GRIK1: variants seen among roughly 807,000 people sequenced by gnomAD.
GRIK1 encodes glutamate ionotropic receptor kainate type subunit 1.
Under a neutral mutation model 105.7 loss-of-function variants are expected in GRIK1, and 69 were observed. The ratio of observed to expected loss-of-function variants is 0.65; its 90% CI spans 0.54 to 0.80. GRIK1 has a LOEUF of 0.80. GRIK1 is among the 30% of genes least tolerant of loss of function. GRIK1 has a pLI of 0.00. For missense variants in GRIK1, 1,109 were observed against 1,167.3 expected (o/e 0.95, Z 0.73); for synonymous variants, 438 against 431.3 (o/e 1.02, Z -0.19).
At chr21:29,558,063 C>A (rs148101583) in intron 15 of GRIK1, among the ~76,000 whole-genome samples, 1 of 152,082 alleles carries the variant, frequency 6.6e-6, no homozygotes, top group Non-Finnish European at 1.5e-5. Context: ...CTGTTCAAAC[C>A]TTAAATGCTC....
chr21:29,560,265 C>T (rs2090358065), intron 15 of GRIK1, among the ~76,000 whole-genome samples: 1 of 150,136 alleles, frequency 6.7e-6, no homozygotes, highest in African/African-American at 2.5e-5. Flanking sequence ...ATACCAGGAC[C>T]TTATATGATA....
At chr21:29,642,401 A>C (rs2062529700) in intron 7 of GRIK1, among the ~76,000 whole-genome samples, 1 of 152,234 alleles carries the variant, frequency 6.6e-6, no homozygotes, top group Admixed American at 6.5e-5. Flanking sequence ...CCTTCCACTC[A>C]GTCCTGTACA....
rs375177698 is a variant in GRIK1 at position 29,838,084 on chromosome 21, G to A, written c.118+101299C>T. ...AATGATTTCAATAAAGGAGAAAAGA[G>A]GAAACTTCTTAAATTAATAAGCAGG... On this transcript the variant is annotated intron_variant, in intron 1 of 17. Coordinates refer to ENST00000327783, the MANE Select transcript of GRIK1 (RefSeq NM_001330994.2). Among the ~76,000 whole-genome samples the A allele has an allele frequency of 1.7e-4, 26 of 152,216 alleles. No individual in the cohort carries two copies. In the East Asian group the frequency reaches 5.0e-3, roughly 29 times the overall value.
At chr21:29,706,854 C>G (rs2063918249) in intron 1 of GRIK1, among the ~76,000 whole-genome samples, 1 of 152,176 alleles carries the variant, frequency 6.6e-6, no homozygotes, top group Non-Finnish European at 1.5e-5. Flanking sequence ...TGAACTCCCA[C>G]AATGGATATT....
At chr21:29,685,520 G>A (rs1016924094) in intron 3 of GRIK1, among the ~76,000 whole-genome samples, 12 of 151,940 alleles carry the variant, frequency 7.9e-5, no homozygotes, top group African/African-American at 1.7e-4. Flanking sequence ...TGCTGACTGC[G>A]TAGGTAATCG....
At chr21:29,905,705 C>T (rs1413059894) in intron 1 of GRIK1, among the ~76,000 whole-genome samples, 3 of 135,342 alleles carry the variant, frequency 2.2e-5, no homozygotes, top group African/African-American at 8.8e-5. Flanking sequence ...CGGCTCACTG[C>T]AAGCTCCGCC....
At chr21:29,618,287 T>C (rs185557066) in intron 7 of GRIK1, among the ~76,000 whole-genome samples, 1 of 152,270 alleles carries the variant, frequency 6.6e-6, no homozygotes, top group East Asian at 1.9e-4. Flanking sequence ...GCTTCATGAA[T>C]GCAAATCCAA....
intron 16 of GRIK1, 124 bp downstream of exon 16, chr21:29,554,928 A>G (rs2090210206): frequency 6.7e-6 from 5 of 748,206 alleles, no homozygotes; most frequent in Non-Finnish European, 1.1e-5. Context: ...CTCTAACTCA[A>G]AAATGGCTCT....
Position 29,576,378 on chromosome 21 carries a change from A to G in GRIK1, c.2130+586T>C, listed in dbSNP as rs57804739. The stretch of plus-strand genomic sequence containing the variant: ...TAATTCTCCTGCGGTGCCTCCGAAG[A>G]CATTTTGAAAAGCTTCAGGCATGGC... On this transcript the variant is annotated intron_variant, in intron 14 of 17. Coordinates refer to ENST00000327783, the MANE Select transcript of GRIK1 (RefSeq NM_001330994.2). 3.2e-3 allele frequency among the ~76,000 whole-genome samples: 491 copies of G among 152,336 alleles called. 2 individuals are homozygous for G. The highest frequency in any genetic ancestry group is 0.011 in the African/African-American group (465 of 41,570).
chr21:29,555,119 A>T lies in GRIK1; in HGVS notation c.2540T>A (p.Val847Asp). ...TCCAATAGCTACAAATACAGAAAGG[A>T]CCAGTCCGGCAGCCAGAACAATGAA... ...GIFIVLAAGL[V>D]LSVFVAIGEF... The change falls in exon 16 of 18, where the codon GTC (valine) becomes GAC (aspartate). Residue 847 changes from valine (V) to aspartate (D), a missense_variant. Val to Asp is a radical substitution (Grantham distance 152, BLOSUM62 -3). Coordinates refer to ENST00000327783, the MANE Select transcript of GRIK1 (RefSeq NM_001330994.2). 6.2e-7 allele frequency: 1 copy of T among 1,613,044 alleles called. No individual in the cohort carries two copies.
At chr21:29,746,262 T>C (rs1369078946) in intron 1 of GRIK1, among the ~76,000 whole-genome samples, 1 of 152,224 alleles carries the variant, frequency 6.6e-6, no homozygotes, top group Non-Finnish European at 1.5e-5. Flanking sequence ...GGTACCACAC[T>C]TGGGCCCTGA....
intron 1 of GRIK1, among the ~76,000 whole-genome samples, chr21:29,892,104 A>T (rs899841437): frequency 1.3e-5 from 2 of 152,236 alleles, no homozygotes; most frequent in African/African-American, 4.8e-5. Context: ...ACTCAGAGTG[A>T]TTCCTTCTGC....
chr21:29,848,779 A>ATATATATATATATATATATATATTT, intron 1 of GRIK1, among the ~76,000 whole-genome samples: 30 of 77,850 alleles, frequency 3.9e-4, no homozygotes, highest in African/African-American at 1.7e-3. Flanking sequence ...ATATATATAT[A>ATATATATATATATATATATATATTT]TTTTTTTTTT....
chr21:29,642,015 C>T (rs2062520465), intron 7 of GRIK1, among the ~76,000 whole-genome samples: 1 of 152,154 alleles, frequency 6.6e-6, no homozygotes, highest in Non-Finnish European at 1.5e-5. Context: ...ATGTCTGTAT[C>T]CCATAGAGAA....
At chr21:29,637,854 G>A (rs1485966222) in intron 7 of GRIK1, among the ~76,000 whole-genome samples, 2 of 152,328 alleles carry the variant, frequency 1.3e-5, no homozygotes, top group Non-Finnish European at 2.9e-5. Flanking sequence ...ACAATCATGT[G>A]TGTGGTCTAT....
chr21:29,806,784 A>G (rs1351550022), intron 1 of GRIK1, among the ~76,000 whole-genome samples: 1 of 152,178 alleles, frequency 6.6e-6, no homozygotes, highest in Non-Finnish European at 1.5e-5. Context: ...TATTATAATA[A>G]TTCTTCAGTG....
chr21:29,728,911 GGAA>G (rs1361128549), intron 1 of GRIK1, among the ~76,000 whole-genome samples: 1 of 152,160 alleles, frequency 6.6e-6, no homozygotes, highest in African/African-American at 2.4e-5. Flanking sequence ...GCATGGACAG[GGAA>G]GAAGAATAGG....
At chr21:29,810,487 G>A (rs1030404395) in intron 1 of GRIK1, among the ~76,000 whole-genome samples, 15 of 152,092 alleles carry the variant, frequency 9.9e-5, no homozygotes, top group Non-Finnish European at 1.8e-4. Flanking sequence ...TATCTGCAAA[G>A]TACAGTAAAG....
rs116194691 is a variant in GRIK1, at chr21:29,776,712, T to C, written c.119-82649A>G. On this transcript the variant is annotated intron_variant, in intron 1 of 17. Transcript: ENST00000327783. ...GAAGGGGTTGTTAGTGATTTAGTGA[T>C]GACCTAAACAAGCAAATGTGGACTT... Among the ~76,000 whole-genome samples, 1,116 of 152,336 alleles carry C rather than the reference T, an allele frequency of 7.3e-3. 16 individuals are homozygous for C. Among genetic ancestry groups the C allele is most frequent in the African/African-American group, 0.026 (1,089 of 41,586 alleles).
Sources: allele counts gnomAD v4.1 joint callset (sites outside exome capture counted in the v4.1 genomes callset), GRCh38; gene constraint gnomAD v4.1.1; transcripts MANE v1.5; gene names NCBI Gene and HGNC (gene_info 2026-07-23, HGNC 2026-07-21).